Variants in MGAM2 observed in about 807,000 individuals in gnomAD.
MGAM2 encodes the protein probable maltase-glucoamylase 2.
MGAM2 carries 98 observed loss-of-function variants against 96.1 expected under a neutral mutation model. The observed-to-expected ratio is 1.02, with a 90% CI of 0.87 to 1.21. MGAM2 has a LOEUF of 1.21. Ranked by LOEUF, MGAM2 falls within the 50% of genes most tolerant of loss-of-function variation. MGAM2 has a pLI of 0.00. For missense variants in MGAM2, 2,055 were observed against 1,182.4 expected, an observed-to-expected ratio of 1.74 and a Z score of -10.82; for synonymous variants, 749 against 414.8, an observed-to-expected ratio of 1.81 and a Z score of -9.79.
In MGAM2 at chr7:142,160,140, G is replaced by T; in HGVS notation, c.2227G>T (p.Ala743Ser). ...TGTTGTTGTTGCTGATTAGGGAGTG[G>T]CCATCTCATGGAGGAAACAGTTGGT... is the stretch of plus-strand genomic sequence containing the variant. ...ATWYDYETGV[A>S]ISWRKQLVNM... Residue 743 changes from alanine (A) to serine (S), a missense_variant, in exon 21 of 48, where the codon GCC (alanine) becomes TCC (serine). By Grantham distance (99) the Ala-to-Ser change is moderately conservative. Transcript: ENST00000477922. 1 of 701,644 alleles carries T rather than the reference G, an allele frequency of 1.4e-6. No homozygotes were observed. The allele number at this position is 701,644 out of a possible 1,614,324, so 43.5% of individuals were successfully genotyped here.
intron 45 of MGAM2, among the ~76,000 whole-genome samples, chr7:142,207,731 G>C (rs998867148): frequency 1.3e-5 from 2 of 152,072 alleles, no homozygotes; most frequent in Non-Finnish European, 2.9e-5. Flanking sequence ...GCCCAGCCCA[G>C]CAAAGGCTAC....
chr7:142,174,827 T>G (rs1163598292), intron 31 of MGAM2, among the ~76,000 whole-genome samples: 1 of 150,302 alleles, frequency 6.7e-6, no homozygotes, highest in Non-Finnish European at 1.5e-5. Context: ...GTGATTCTCC[T>G]GCCTCAGCCT....
At position 142,117,008 on chromosome 7, in the gene MGAM2, C is replaced by T. The variant is rs1445265384; in HGVS notation, c.106+29C>T. 7 of 702,842 alleles carry T rather than the reference C, an allele frequency of 1.0e-5. No individual in the cohort carries two copies. In the East Asian group the frequency reaches 1.9e-4, roughly 19 times the overall value. 43.5% of individuals were successfully genotyped at this position (702,842 alleles called of 1,614,324 possible). A position where few individuals can be genotyped will look rare whatever the true frequency, so the allele number is the denominator to read the frequency against. On this transcript the variant is annotated intron_variant, in intron 2 of 47. Transcript: ENST00000477922. Reference sequence around the variant, plus strand: ...AGGGAGATGCTTGTAGGTTGGAAGGCTGGGTAAAGGAAGTCTCCTGTAAAC... The same window carrying T: ...AGGGAGATGCTTGTAGGTTGGAAGGTTGGGTAAAGGAAGTCTCCTGTAAAC...
chr7:142,137,025 A>G (rs1795079766), intron 8 of MGAM2, among the ~76,000 whole-genome samples: 1 of 152,142 alleles, frequency 6.6e-6, no homozygotes, highest in South Asian at 2.1e-4. Context: ...TCCCCACTCC[A>G]AATCTTCCTT....
chr7:142,193,711 A>G (rs1189295951), intron 37 of MGAM2, among the ~76,000 whole-genome samples: 2 of 150,668 alleles, frequency 1.3e-5, no homozygotes, highest in Non-Finnish European at 1.5e-5. Flanking sequence ...AGTTCCACAA[A>G]CTCCTTTGCA....
chr7:142,170,052 G>A (rs1282236484), intron 26 of MGAM2, 23 bp from the exon 27 acceptor site: 11 of 688,240 alleles, frequency 1.6e-5, no homozygotes, highest in Non-Finnish European at 2.9e-5. Flanking sequence ...CTAACAGAAA[G>A]TTTTCTTCTC....
intron 3 of MGAM2, among the ~76,000 whole-genome samples, chr7:142,123,062 T>A (rs1019095786): frequency 8.5e-5 from 13 of 152,126 alleles, no homozygotes; most frequent in African/African-American, 3.1e-4. Context: ...GACCTTGTAA[T>A]CCACCCCCTT....
rs1326497514 is a variant in MGAM2, at chr7:142,208,587, G to T, written c.5152G>T (p.Gly1718Ter). Residue 1718 changes from glycine (G) to a stop codon, truncating the protein, a stop_gained, in exon 46 of 48, where the codon GGA (glycine) becomes TGA (stop). Transcript: ENST00000477922. LOFTEE classifies it high-confidence loss of function. Reference sequence around the variant, plus strand: ...CTTGTTTGCAGATACCTATGAAAATGGAAATTATTTTTTGGCAAACTTTAT... The same window carrying T: ...CTTGTTTGCAGATACCTATGAAAATTGAAATTATTTTTTGGCAAACTTTAT... Reference protein sequence around the residue: ...DGQSIDTYENGNYFLANFIAA... With the variant: ...DGQSIDTYEN The T allele has an allele frequency of 8.5e-6, 6 of 702,710 alleles. No homozygotes were observed. In the Admixed American group the frequency reaches 1.2e-4, roughly 14 times the overall value. 43.5% of individuals were successfully genotyped at this position (702,710 alleles called of 1,614,324 possible).
intron 46 of MGAM2, among the ~76,000 whole-genome samples, chr7:142,217,389 A>G (rs376644931): frequency 5.3e-5 from 8 of 152,156 alleles, no homozygotes; most frequent in Admixed American, 2.0e-4. Context: ...GTCGCTTTGG[A>G]CTACTCACTT....
At chr7:142,142,411 A>G (rs950570299) in intron 12 of MGAM2, among the ~76,000 whole-genome samples, 1 of 152,164 alleles carries the variant, frequency 6.6e-6, no homozygotes, top group African/African-American at 2.4e-5. Context: ...GAATTTGCAT[A>G]TAATTACAAA....
chr7:142,220,155 TCTC>T lies in MGAM2; in HGVS notation c.5647_5649del (p.Pro1883del). 1 of 702,194 alleles carries T rather than the reference TCTC, an allele frequency of 1.4e-6. No individual in the cohort carries two copies. The highest frequency in any genetic ancestry group is 2.6e-6 in the Non-Finnish European group (1 of 384,760). The allele number at this position is 702,194 out of a possible 1,614,324, so 43.5% of individuals were successfully genotyped here. A position where few individuals can be genotyped will look rare whatever the true frequency, so the allele number is the denominator to read the frequency against. ...TAATACTACTGTTCCTGATACAACTTCTCCTTTCCCTACAAGTACTACTAATGC... is the reference window on the plus strand; with the variant it reads ...TAATACTACTGTTCCTGATACAACTTCTTTCCCTACAAGTACTACTAATGC... On this transcript the variant is annotated inframe_deletion, in exon 48 of 48. Transcript: ENST00000477922.
At chr7:142,171,195 A>G (rs1194474207) in intron 27 of MGAM2, 77 bp from the exon 28 acceptor site, 1 of 699,424 alleles carries the variant, frequency 1.4e-6, no homozygotes, top group Non-Finnish European at 2.6e-6. Context: ...TTTGGAATCA[A>G]CTAGACATTC....
At chr7:142,185,188 A>C (rs1347150357) in intron 34 of MGAM2, 49 bp downstream of exon 34, 2 of 692,772 alleles carry the variant, frequency 2.9e-6, no homozygotes, top group South Asian at 1.5e-5. Flanking sequence ...ACATCTGGAT[A>C]TTTACATTTT....
rs1157094225 is a variant in MGAM2 at position 142,132,091 on chromosome 7, C to G, written c.575+6C>G. The G allele has an allele frequency of 2.9e-6, 2 of 700,230 alleles. No individual in the cohort carries two copies. The highest frequency in any genetic ancestry group is 2.0e-5 in the Admixed American group (1 of 49,282). 43.4% of individuals were successfully genotyped at this position (700,230 alleles called of 1,614,324 possible). On this transcript the variant is annotated splice_donor_region_variant and intron_variant, in intron 6 of 47. Transcript: ENST00000477922. ...ACAAGCAACAGAAGAGTCTTGTGAG[C>G]TTTTCAACCCTCTTGGTGCATCTTT...
At chr7:142,185,682 A>G (rs1164384578) in intron 34 of MGAM2, among the ~76,000 whole-genome samples, 2 of 152,074 alleles carry the variant, frequency 1.3e-5, no homozygotes, top group African/African-American at 4.8e-5. Context: ...AAGAAAAAGT[A>G]TTTGCATCTC....
Position 142,196,277 on chromosome 7 carries a change from A to T in MGAM2, c.4470A>T (p.Lys1490Asn), listed in dbSNP as rs769357432. ...CAGCTGCATGGGACCAGCTGGGGAA[A>T]TCTATCATTGGTGTGTGGGCTCATT... is the stretch of plus-strand genomic sequence containing the variant. The part of the protein sequence containing the change: ...NNTAAWDQLG[K>N]SIIGMMEFSL... The change falls in exon 38 of 48, where the codon AAA becomes AAT. Residue 1490 changes from lysine (K) to asparagine (N), a missense_variant. Coordinates refer to ENST00000477922, the MANE Select transcript of MGAM2 (RefSeq NM_001293626.2). 4.0e-5 allele frequency: 31 copies of T among 769,630 alleles called. No individual in the cohort carries two copies. In the South Asian group the frequency reaches 4.5e-4, roughly 11 times the overall value. The allele number at this position is 769,630 out of a possible 1,614,324, so 47.7% of individuals were successfully genotyped here. A position where few individuals can be genotyped will look rare whatever the true frequency, so the allele number is the denominator to read the frequency against.
rs539025553 is a variant in MGAM2, at chr7:142,170,033, T to C, written c.3028-42T>C. 6 of 679,842 alleles carry C rather than the reference T, an allele frequency of 8.8e-6. No homozygotes were observed. The South Asian group carries it at 9.4e-5, about 11-fold the overall frequency. 42.1% of individuals were successfully genotyped at this position (679,842 alleles called of 1,614,324 possible). ...ATGGGGTGGCATGAGGGGTTTTAGG[T>C]CTGAGACCCTAACAGAAAGTTTTCT... is the stretch of plus-strand genomic sequence containing the variant. On this transcript the variant is annotated intron_variant, in intron 26 of 47. Coordinates refer to ENST00000477922, the MANE Select transcript of MGAM2 (RefSeq NM_001293626.2).
intron 29 of MGAM2, 145 bp from the exon 30 acceptor site, chr7:142,172,507 C>A: frequency 5.2e-6 from 3 of 575,078 alleles, no homozygotes; most frequent in Non-Finnish European, 9.3e-6. Flanking sequence ...AAATACACCT[C>A]TGATTCTAAT....
Position 142,183,257 on chromosome 7 carries a change from T to C in MGAM2, c.3817-9T>C. 2.9e-6 allele frequency: 2 copies of C among 692,964 alleles called. No individual in the cohort carries two copies. Among genetic ancestry groups the C allele is most frequent in the East Asian group, 2.7e-5 (1 of 37,140 alleles). 42.9% of individuals were successfully genotyped at this position (692,964 alleles called of 1,614,324 possible). A position where few individuals can be genotyped will look rare whatever the true frequency, so the allele number is the denominator to read the frequency against. On this transcript the variant is annotated splice_polypyrimidine_tract_variant and intron_variant, in intron 32 of 47. Coordinates refer to ENST00000477922, the MANE Select transcript of MGAM2 (RefSeq NM_001293626.2). ...CTCACATTTGCTGTTTGAAATTCTT[T>C]TACTGCAGGACCCAGCCATTTCTGG...
Sources: gnomAD v4.1 joint callset for allele counts (sites outside exome capture counted in the v4.1 genomes callset) on GRCh38, gnomAD v4.1.1 for gene constraint, MANE v1.5 for transcripts, NCBI Gene and HGNC (gene_info 2026-07-23, HGNC 2026-07-21) for gene names.